BBS9: variants seen among roughly 807,000 people sequenced by gnomAD.
BBS9 encodes the protein protein PTHB1.
BBS9 carries 89 observed loss-of-function variants against 117.7 expected under a neutral mutation model. That is an observed-to-expected ratio of 0.76 (90% CI 0.64 to 0.90). BBS9 has a LOEUF of 0.90. BBS9 is among the 40% of genes least tolerant of loss of function. The pLI is 0.00. For missense variants in BBS9, 982 were observed against 1,042.2 expected (o/e 0.94, Z 0.80); for synonymous variants, 379 against 370.9 (o/e 1.02, Z -0.25).
chr7:33,491,087 G>T (rs905880269), intron 19 of BBS9, among the ~76,000 whole-genome samples: 1 of 152,210 alleles, frequency 6.6e-6, no homozygotes, highest in Non-Finnish European at 1.5e-5. Flanking sequence ...AGGAAGTATG[G>T]GGAGAGGGAT....
At chr7:33,288,784 T>A (rs960963812) in intron 9 of BBS9, among the ~76,000 whole-genome samples, 21 of 152,196 alleles carry the variant, frequency 1.4e-4, no homozygotes, top group Middle Eastern at 6.3e-3. Flanking sequence ...ATTTGTATCA[T>A]TATGTGCCAG....
chr7:33,579,144 C>A (rs549202912), intron 21 of BBS9, among the ~76,000 whole-genome samples: 1 of 152,282 alleles, frequency 6.6e-6, no homozygotes, highest in African/African-American at 2.4e-5. Flanking sequence ...TTTGAAATCC[C>A]TAATAAAAGT....
chr7:33,622,350 A>AGG (rs1865451906), intron 21 of BBS9, among the ~76,000 whole-genome samples: 1 of 152,202 alleles, frequency 6.6e-6, no homozygotes, highest in African/African-American at 2.4e-5. Context: ...CAGATGAAGA[A>AGG]GGGGAGGTGT....
At chr7:33,543,341 T>C (rs1448864978) in intron 21 of BBS9, among the ~76,000 whole-genome samples, 4 of 151,910 alleles carry the variant, frequency 2.6e-5, no homozygotes, top group South Asian at 2.1e-4. Context: ...GAGTTTGTCG[T>C]AGATTCTGGA....
chr7:33,196,337 T>C (rs1470771035), intron 5 of BBS9, among the ~76,000 whole-genome samples: 1 of 152,136 alleles, frequency 6.6e-6, no homozygotes, highest in Non-Finnish European at 1.5e-5. Context: ...CAAGAAAATG[T>C]ATTAGTGGCC....
At chr7:33,498,256 G>A (rs1281095475) in intron 19 of BBS9, among the ~76,000 whole-genome samples, 1 of 152,102 alleles carries the variant, frequency 6.6e-6, no homozygotes, top group Admixed American at 6.5e-5. Flanking sequence ...TGTTGCCTAA[G>A]TAAAGATGCC....
In BBS9 at chr7:33,559,631, C is replaced by G. The variant is rs558296162; in HGVS notation, c.2521+25455C>G. Among the ~76,000 whole-genome samples, 4 of 152,260 alleles carry G rather than the reference C, an allele frequency of 2.6e-5. No individual in the cohort carries two copies. In the South Asian group the frequency reaches 6.2e-4, roughly 24 times the overall value. On this transcript the variant is annotated intron_variant, in intron 21 of 22. Coordinates refer to ENST00000242067, the MANE Select transcript of BBS9 (RefSeq NM_198428.3). ...CTATCCGTGTACTGAAAAATCGCAG[C>G]CAAATATGCTGCCAGCTGAGTTTAC...
At chr7:33,255,362 T>TTTGCA (rs1796869673) in intron 5 of BBS9, among the ~76,000 whole-genome samples, 1 of 151,496 alleles carries the variant, frequency 6.6e-6, no homozygotes. Flanking sequence ...TTTTTTTTTT[T>TTTGCA]TGCATGTGGA....
intron 19 of BBS9, among the ~76,000 whole-genome samples, chr7:33,441,948 A>G (rs1276709007): frequency 6.6e-6 from 1 of 150,556 alleles, no homozygotes; most frequent in African/African-American, 2.5e-5. Flanking sequence ...CCAGAGTGCA[A>G]TGGCATGATC....
intron 5 of BBS9, among the ~76,000 whole-genome samples, chr7:33,213,079 G>A (rs145142824): frequency 1.2e-3 from 190 of 152,330 alleles, no homozygotes; most frequent in African/African-American, 4.2e-3. Flanking sequence ...TGCCAGCCAG[G>A]TTTGTGCCCT....
At chr7:33,589,579 A>G (rs1362152635) in intron 21 of BBS9, among the ~76,000 whole-genome samples, 3 of 152,066 alleles carry the variant, frequency 2.0e-5, no homozygotes, top group African/African-American at 7.2e-5. Context: ...AATGGACATG[A>G]TATGTGAGAG....
intron 4 of BBS9, among the ~76,000 whole-genome samples, chr7:33,163,473 G>C (rs906395804): frequency 6.6e-6 from 1 of 152,006 alleles, no homozygotes; most frequent in African/African-American, 2.4e-5. Flanking sequence ...ACTTTTTTTG[G>C]TTGGTATGCT....
chr7:33,252,059 AC>A (rs1796302278), intron 5 of BBS9, among the ~76,000 whole-genome samples: 1 of 152,202 alleles, frequency 6.6e-6, no homozygotes, highest in Non-Finnish European at 1.5e-5. Context: ...CAGGAAACTT[AC>A]AATCACGGTG....
intron 9 of BBS9, among the ~76,000 whole-genome samples, chr7:33,287,389 A>C (rs1803108302): frequency 6.6e-6 from 1 of 152,224 alleles, no homozygotes; most frequent in Non-Finnish European, 1.5e-5. Context: ...GTGCATGTTT[A>C]CATTTCAAGA....
chr7:33,252,289 C>T (rs1047440842), intron 5 of BBS9, among the ~76,000 whole-genome samples: 5 of 152,170 alleles, frequency 3.3e-5, no homozygotes, highest in Admixed American at 1.3e-4. Context: ...TTGGAGATTA[C>T]AATTTGACAT....
At chr7:33,261,100 A>G (rs1043520435) in intron 6 of BBS9, among the ~76,000 whole-genome samples, 12 of 146,934 alleles carry the variant, frequency 8.2e-5, no homozygotes, top group African/African-American at 2.5e-4. Context: ...TCTATCTCCT[A>G]TGTCTGAAGT....
intron 21 of BBS9, among the ~76,000 whole-genome samples, chr7:33,537,074 G>A (rs1220255730): frequency 2.0e-5 from 3 of 151,978 alleles, no homozygotes; most frequent in Non-Finnish European, 4.4e-5. Flanking sequence ...CTTCAAAATC[G>A]TCTGGTTCAC....
chr7:33,299,068 T>G (rs1233920243), intron 9 of BBS9, among the ~76,000 whole-genome samples: 1 of 152,220 alleles, frequency 6.6e-6, no homozygotes, highest in African/African-American at 2.4e-5. Context: ...ATTGTTATTA[T>G]GCAGACCCTG....
chr7:33,367,841 G>A lies in BBS9; in HGVS notation c.1768G>A (p.Val590Ile), dbSNP rs143016114. 24 of 1,613,630 alleles carry A rather than the reference G, an allele frequency of 1.5e-5. No individual in the cohort carries two copies. The African/African-American group carries it at 3.1e-4, about 21-fold the overall frequency. Residue 590 changes from valine (V) to isoleucine (I), a missense_variant, in exon 17 of 23, where the codon GTT becomes ATT. Transcript: ENST00000242067. ...CTTCTTAGGAGGTGCTCGAATTACT[G>A]TTCTTGCTTCCAAAACTTCTCGTAA... ...FHFLGGARIT[V>I]LASKTSQRYR...
Sources: gnomAD v4.1 joint callset for allele counts (sites outside exome capture counted in the v4.1 genomes callset) on GRCh38, gnomAD v4.1.1 for gene constraint, MANE v1.5 for transcripts, NCBI Gene and HGNC (gene_info 2026-07-23, HGNC 2026-07-21) for gene names.